Variants in IQGAP2 observed in about 807,000 individuals in gnomAD.
IQGAP2 encodes ras GTPase-activating-like protein IQGAP2.
IQGAP2 carries 173 observed loss-of-function variants against 201.3 expected under a neutral mutation model. That is an observed-to-expected ratio of 0.86 (90% CI 0.76 to 0.98). The LOEUF (loss-of-function observed/expected upper bound fraction) is 0.98. IQGAP2 is among the 50% of genes least tolerant of loss of function. The pLI is 0.00. For missense variants in IQGAP2, 1,687 were observed against 1,864.8 expected (o/e 0.90, Z 1.76); for synonymous variants, 675 against 673.9 (o/e 1.00, Z -0.03).
intron 11 of IQGAP2, among the ~76,000 whole-genome samples, chr5:76,603,077 TCTC>T (rs1350764983): frequency 6.6e-6 from 1 of 152,236 alleles, no homozygotes; most frequent in Non-Finnish European, 1.5e-5. Context: ...AGAACAGACT[TCTC>T]ATTCTAAGCA....
intron 28 of IQGAP2, among the ~76,000 whole-genome samples, chr5:76,682,312 A>G (rs1209774471): frequency 1.3e-5 from 2 of 152,202 alleles, no homozygotes; most frequent in Non-Finnish European, 2.9e-5. Context: ...GTTGCTGAGA[A>G]CAACAAATTT....
intron 2 of IQGAP2, among the ~76,000 whole-genome samples, chr5:76,488,973 CTTCAGGTAGGAGG>C (rs761302928): frequency 1.3e-5 from 2 of 152,172 alleles, no homozygotes; most frequent in Non-Finnish European, 2.9e-5. Context: ...TTGTTCCTCC[CTTCAGGTAGGAGG>C]TTCAGTAATC....
Position 76,562,422 on chromosome 5 carries a change from A to T in IQGAP2, c.173A>T (p.Glu58Val). 6.2e-7 allele frequency: 1 copy of T among 1,613,736 alleles called. No homozygotes were observed. The highest frequency in any genetic ancestry group is 8.5e-7 in the Non-Finnish European group (1 of 1,179,808). Residue 58 changes from glutamate to valine, a missense_variant, in exon 3 of 36, where the codon GAA becomes GTA. Physicochemically the swap from Glu to Val is moderately radical, Grantham distance 121. Transcript: ENST00000274364. ...KRWMEVCLVEELPPTTELEEG... is the reference protein window; with the variant it reads ...KRWMEVCLVEVLPPTTELEEG... ...TGGATGGAAGTTTGCTTAGTTGAAGAATTGCCACCAACCACTGAATTGGAA... is the reference window on the plus strand; with the variant it reads ...TGGATGGAAGTTTGCTTAGTTGAAGTATTGCCACCAACCACTGAATTGGAA...
intron 9 of IQGAP2, among the ~76,000 whole-genome samples, chr5:76,593,394 G>A (rs1746795108): frequency 6.6e-6 from 1 of 152,172 alleles, no homozygotes; most frequent in African/African-American, 2.4e-5. Context: ...TGGTGCCAGT[G>A]AATGGGACTA....
In IQGAP2 at chr5:76,701,227, G is replaced by A. The variant is rs548930260; in HGVS notation, c.4505+14G>A. On this transcript the variant is annotated intron_variant, in intron 34 of 35. Coordinates refer to ENST00000274364, the MANE Select transcript of IQGAP2 (RefSeq NM_006633.5). ...TCAAACAAACCAGTAAGTGTGACCT[G>A]GAATCTGCATAGAACACGCATGCCA... 130 of 1,613,342 alleles carry A rather than the reference G, an allele frequency of 8.1e-5. No homozygotes were observed. In the South Asian group the frequency reaches 1.3e-3, roughly 16 times the overall value.
chr5:76,431,691 C>T (rs574682840), intron 1 of IQGAP2, among the ~76,000 whole-genome samples: 3 of 152,076 alleles, frequency 2.0e-5, no homozygotes, highest in East Asian at 1.9e-4. Context: ...AGCGTGGTAG[C>T]GCTTGCCTGT....
At chr5:76,479,008 C>T (rs1170964866) in intron 2 of IQGAP2, among the ~76,000 whole-genome samples, 1 of 152,024 alleles carries the variant, frequency 6.6e-6, no homozygotes, top group African/African-American at 2.4e-5. Flanking sequence ...TCATAGGCTC[C>T]GTTTTCCCTG....
At chr5:76,584,033 CAGATAATT>C (rs1211075572) in intron 5 of IQGAP2, among the ~76,000 whole-genome samples, 1 of 151,958 alleles carries the variant, frequency 6.6e-6, no homozygotes, top group Non-Finnish European at 1.5e-5. Flanking sequence ...CCACCGTGCC[CAGATAATT>C]TTTGTATTTT....
intron 35 of IQGAP2, among the ~76,000 whole-genome samples, chr5:76,706,344 G>C (rs910785602): frequency 4.0e-5 from 6 of 151,624 alleles, no homozygotes; most frequent in African/African-American, 7.3e-5. Context: ...TTTTGTTTTT[G>C]TTTTTGTTTT....
intron 6 of IQGAP2, among the ~76,000 whole-genome samples, chr5:76,589,261 G>A (rs1746469650): frequency 6.8e-6 from 1 of 147,476 alleles, no homozygotes; most frequent in Non-Finnish European, 1.5e-5. Flanking sequence ...GCAGTGAGCT[G>A]AGATTGTGCC....
intron 13 of IQGAP2, among the ~76,000 whole-genome samples, chr5:76,613,689 G>GT (rs1178651941): frequency 6.6e-6 from 1 of 151,962 alleles, no homozygotes; most frequent in Non-Finnish European, 1.5e-5. Context: ...AGTGATGTCA[G>GT]TATCTTAAGG....
chr5:76,706,871 C>T (rs10055683), intron 35 of IQGAP2, among the ~76,000 whole-genome samples: 47,360 of 152,092 alleles, frequency 0.31, 7,504 homozygotes, highest in East Asian at 0.33. Flanking sequence ...AGCTACATAA[C>T]AAGAAATTCC....
chr5:76,579,274 A>G (rs1269335135), intron 5 of IQGAP2, among the ~76,000 whole-genome samples: 1 of 152,052 alleles, frequency 6.6e-6, no homozygotes, highest in East Asian at 1.9e-4. Context: ...AATTGACATA[A>G]TCTTCGTGGC....
chr5:76,431,564 C>G (rs1352725295), intron 1 of IQGAP2, among the ~76,000 whole-genome samples: 3 of 151,950 alleles, frequency 2.0e-5, no homozygotes, highest in African/African-American at 7.3e-5. Flanking sequence ...GTGGCTCATG[C>G]CTGTAATCCC....
chr5:76,549,320 A>AGTGTGTGTGTGT (rs35060845), intron 2 of IQGAP2, among the ~76,000 whole-genome samples: 3 of 147,838 alleles, frequency 2.0e-5, no homozygotes, highest in South Asian at 2.2e-4. Flanking sequence ...CGAGCTCTGG[A>AGTGTGTGTGTGT]GTGTGTGTGT....
chr5:76,484,018 A>T (rs970860428), intron 2 of IQGAP2, among the ~76,000 whole-genome samples: 3 of 151,494 alleles, frequency 2.0e-5, no homozygotes, highest in Admixed American at 2.0e-4. Flanking sequence ...TGACTTCAGG[A>T]TGTTAGGGAT....
intron 2 of IQGAP2, among the ~76,000 whole-genome samples, chr5:76,482,830 A>C (rs891550237): frequency 1.3e-5 from 2 of 152,192 alleles, no homozygotes; most frequent in African/African-American, 4.8e-5. Context: ...ACAATGTATG[A>C]ACCATAGTCG....
At chr5:76,691,051 T>C (rs1746215393) in intron 30 of IQGAP2, among the ~76,000 whole-genome samples, 1 of 152,254 alleles carries the variant, frequency 6.6e-6, no homozygotes, top group Non-Finnish European at 1.5e-5. Flanking sequence ...ATGGCTAATA[T>C]GCAACAAGAG....
intron 8 of IQGAP2, among the ~76,000 whole-genome samples, chr5:76,590,970 G>A (rs1746607006): frequency 6.6e-6 from 1 of 152,110 alleles, no homozygotes; most frequent in South Asian, 2.1e-4. Context: ...GGTGGTGCAA[G>A]CCTGTAGTCC....
Sources: allele counts gnomAD v4.1 joint callset (sites outside exome capture counted in the v4.1 genomes callset), GRCh38; gene constraint gnomAD v4.1.1; transcripts MANE v1.5; gene names NCBI Gene and HGNC (gene_info 2026-07-23, HGNC 2026-07-21).